Variants in STXBP5L observed in about 807,000 individuals in gnomAD.
STXBP5L encodes the protein syntaxin-binding protein 5-like.
STXBP5L carries 65 observed loss-of-function variants against 144.5 expected under a neutral mutation model. The ratio of observed to expected loss-of-function variants is 0.45; its 90% CI spans 0.37 to 0.55. The LOEUF (loss-of-function observed/expected upper bound fraction) is 0.55. STXBP5L is among the 20% of genes least tolerant of loss of function. The pLI, the probability that STXBP5L is intolerant of heterozygous loss-of-function variation, is 0.00. For synonymous variants in STXBP5L, 505 were observed against 469.6 expected (o/e 1.08, Z -0.97); for missense variants, 1,298 against 1,405.5 (o/e 0.92, Z 1.22).
intron 18 of STXBP5L, among the ~76,000 whole-genome samples, chr3:121,262,205 A>C (rs1045298830): frequency 1.1e-4 from 17 of 152,230 alleles, no homozygotes; most frequent in African/African-American, 3.9e-4. Context: ...TCAGACCATA[A>C]CATTGTGACC....
chr3:121,082,710 G>T (rs2042309529), intron 5 of STXBP5L, among the ~76,000 whole-genome samples: 2 of 152,192 alleles, frequency 1.3e-5, no homozygotes, highest in Admixed American at 6.5e-5. Context: ...TGTTTTTGAG[G>T]TTTATTGTAA....
intron 19 of STXBP5L, among the ~76,000 whole-genome samples, chr3:121,313,132 C>A (rs2043608096): frequency 7.2e-6 from 1 of 139,462 alleles, no homozygotes; most frequent in African/African-American, 2.7e-5. Context: ...GCTGGCCAGG[C>A]AGAGGGGTCC....
intron 5 of STXBP5L, among the ~76,000 whole-genome samples, chr3:121,087,871 A>G (rs1474476881): frequency 6.6e-6 from 1 of 152,078 alleles, no homozygotes; most frequent in African/African-American, 2.4e-5. Context: ...ATTTTATTAT[A>G]TACAAACAAC....
chr3:121,367,352 T>C (rs2045890840), intron 20 of STXBP5L, among the ~76,000 whole-genome samples: 1 of 152,162 alleles, frequency 6.6e-6, no homozygotes, highest in African/African-American at 2.4e-5. Context: ...GCTTTGTTTA[T>C]CTGGTAATAT....
chr3:121,295,879 A>T (rs192794073), intron 19 of STXBP5L, among the ~76,000 whole-genome samples: 2 of 152,336 alleles, frequency 1.3e-5, no homozygotes, highest in East Asian at 3.9e-4. Context: ...GACTATATGG[A>T]TGGAAATATT....
chr3:121,134,276 A>G (rs975014064), intron 7 of STXBP5L, among the ~76,000 whole-genome samples: 1 of 152,060 alleles, frequency 6.6e-6, no homozygotes, highest in Non-Finnish European at 1.5e-5. Context: ...TTATACAGCC[A>G]CTAGTTCTCC....
intron 19 of STXBP5L, among the ~76,000 whole-genome samples, chr3:121,304,112 A>T: frequency 6.6e-6 from 1 of 152,320 alleles, no homozygotes; most frequent in South Asian, 2.1e-4. Context: ...TGGCTATATT[A>T]ATATTAGATG....
chr3:121,402,250 C>T (rs542115799), intron 22 of STXBP5L, among the ~76,000 whole-genome samples: 12 of 152,162 alleles, frequency 7.9e-5, no homozygotes, highest in South Asian at 4.1e-4. Flanking sequence ...CGAAGTCATA[C>T]GAAGTTTCTG....
intron 20 of STXBP5L, among the ~76,000 whole-genome samples, chr3:121,372,353 C>T (rs545770341): frequency 6.6e-6 from 1 of 152,244 alleles, no homozygotes; most frequent in Admixed American, 6.5e-5. Flanking sequence ...GCAAGTTGAG[C>T]CTAGGGTGAC....
intron 5 of STXBP5L, among the ~76,000 whole-genome samples, chr3:121,050,850 C>T (rs1197430245): frequency 6.6e-6 from 1 of 152,112 alleles, no homozygotes; most frequent in Non-Finnish European, 1.5e-5. Context: ...ATCTCATGTG[C>T]AGAGACACAC....
At chr3:121,017,937 T>C (rs2108187559) in intron 3 of STXBP5L, among the ~76,000 whole-genome samples, 2 of 152,088 alleles carry the variant, frequency 1.3e-5, no homozygotes, top group African/African-American at 4.8e-5. Context: ...AAAATAGCCA[T>C]GTGTTGTGGC....
intron 3 of STXBP5L, among the ~76,000 whole-genome samples, chr3:121,030,457 C>A (rs1946285619): frequency 6.6e-6 from 1 of 152,084 alleles, no homozygotes; most frequent in African/African-American, 2.4e-5. Context: ...CATGTTCTCA[C>A]TCAGAAGTGG....
Position 121,154,638 on chromosome 3 carries a change from C to T in STXBP5L, c.753+2078C>T, listed in dbSNP as rs563942351. Among the ~76,000 whole-genome samples, 7 of 151,682 alleles carry T rather than the reference C, an allele frequency of 4.6e-5. No homozygotes were observed. The South Asian group carries it at 1.5e-3, about 31-fold the overall frequency. Reference sequence around the variant, plus strand: ...TTATACTTTCTAGTGTTTATATTATCTCTTATTTCAAATATTACCTTTATG... The same window carrying T: ...TTATACTTTCTAGTGTTTATATTATTTCTTATTTCAAATATTACCTTTATG... On this transcript the variant is annotated intron_variant, in intron 8 of 26. Transcript: ENST00000471454.
intron 5 of STXBP5L, among the ~76,000 whole-genome samples, chr3:121,106,493 G>A (rs2107798567): frequency 6.6e-6 from 1 of 152,210 alleles, no homozygotes; most frequent in East Asian, 1.9e-4. Context: ...AGAACATGCG[G>A]TGTTTGGTTT....
At chr3:120,985,135 T>C (rs1033147722) in intron 3 of STXBP5L, among the ~76,000 whole-genome samples, 5 of 152,156 alleles carry the variant, frequency 3.3e-5, no homozygotes, top group Middle Eastern at 6.8e-3. Context: ...TCTAGTAGTG[T>C]ATTTGTGTGA....
At chr3:120,989,527 C>A (rs1559961334) in intron 3 of STXBP5L, among the ~76,000 whole-genome samples, 1 of 152,052 alleles carries the variant, frequency 6.6e-6, no homozygotes, top group African/African-American at 2.4e-5. Context: ...GTAGATTCTG[C>A]ATGTGACTTA....
rs201442576 is a variant in STXBP5L, at chr3:121,407,247, A to G, written c.2592A>G (p.Thr864=). The G allele has an allele frequency of 4.6e-5, 72 of 1,556,528 alleles. 1 individual carries two copies. Among genetic ancestry groups the G allele is most frequent in the Admixed American group, 1.4e-4 (7 of 50,642 alleles). The part of the protein sequence containing the change: ...TEPVMVLPSG[T]FLSLKGAVLT... ...GATGTCCAATTGTTTTTATAGGTAC[A>G]TTCCTCTCATTGAAAGGAGCTGTGC... The change falls in exon 23 of 27, where the codon ACA becomes ACG. Residue 864 remains threonine (T), a synonymous_variant. Coordinates refer to ENST00000471454, the MANE Select transcript of STXBP5L (RefSeq NM_001308330.2).
chr3:121,085,526 CCAA>C (rs1315897045), intron 5 of STXBP5L, among the ~76,000 whole-genome samples: 1 of 152,068 alleles, frequency 6.6e-6, no homozygotes, highest in African/African-American at 2.4e-5. Context: ...TTCATATACA[CCAA>C]CAATAGACAA....
At chr3:121,064,137 T>A (rs942107865) in intron 5 of STXBP5L, among the ~76,000 whole-genome samples, 1 of 152,106 alleles carries the variant, frequency 6.6e-6, no homozygotes, top group African/African-American at 2.4e-5. Context: ...GGAGGGAATC[T>A]CCTGGTCTGC....
Sources: allele counts gnomAD v4.1 joint callset (sites outside exome capture counted in the v4.1 genomes callset), GRCh38; gene constraint gnomAD v4.1.1; transcripts MANE v1.5; gene names NCBI Gene and HGNC (gene_info 2026-07-23, HGNC 2026-07-21).